Variants in PRKG1 observed in about 807,000 individuals in gnomAD.
PRKG1 encodes protein kinase cGMP-dependent 1, also known as cGMP-dependent protein kinase 1.
PRKG1 carries 35 observed loss-of-function variants against 88.1 expected under a neutral mutation model. That is an observed-to-expected ratio of 0.40 (90% CI 0.30 to 0.53). The LOEUF (loss-of-function observed/expected upper bound fraction) is 0.53, where lower values mean the gene tolerates loss of function less well. Among genes scored for constraint, PRKG1 ranks in the 20% least tolerant of loss-of-function variants. The pLI is 0.59. For synonymous variants in PRKG1, 303 were observed against 292.5 expected (o/e 1.04, Z -0.37); for missense variants, 540 against 839.8 (o/e 0.64, Z 4.41).
At chr10:51,649,536 T>TA in intron 3 of PRKG1, among the ~76,000 whole-genome samples, 1 of 152,272 alleles carries the variant, frequency 6.6e-6, no homozygotes, top group East Asian at 1.9e-4. Flanking sequence ...ATTCTGAAGG[T>TA]AAATTAACAC....
chr10:51,370,679 A>G (rs984078850), intron 2 of PRKG1, among the ~76,000 whole-genome samples: 1 of 152,034 alleles, frequency 6.6e-6, no homozygotes, highest in Non-Finnish European at 1.5e-5. Context: ...AAATAAATCT[A>G]AAAAAAGGTA....
chr10:51,460,062 G>T (rs1404091860), intron 2 of PRKG1, among the ~76,000 whole-genome samples: 1 of 152,104 alleles, frequency 6.6e-6, no homozygotes, highest in Non-Finnish European at 1.5e-5. Context: ...GGGCTGAATA[G>T]TTCTTTCTTG....
chr10:51,091,250 C>A (rs1485147295), intron 1 of PRKG1, among the ~76,000 whole-genome samples: 4 of 152,076 alleles, frequency 2.6e-5, no homozygotes, highest in African/African-American at 9.7e-5. Context: ...TACCATAAAA[C>A]TTACCTATTA....
chr10:52,016,617 C>A (rs1456860910), intron 5 of PRKG1, among the ~76,000 whole-genome samples: 1 of 152,122 alleles, frequency 6.6e-6, no homozygotes, highest in Non-Finnish European at 1.5e-5. Flanking sequence ...GGTAATGTCT[C>A]TTTTAGGATT....
At chr10:52,250,766 C>T (rs1357471775) in intron 9 of PRKG1, among the ~76,000 whole-genome samples, 2 of 152,110 alleles carry the variant, frequency 1.3e-5, no homozygotes, top group Admixed American at 6.6e-5. Flanking sequence ...TTAAGCAGCT[C>T]ATATTCACTT....
chr10:51,033,456 T>C (rs952136983), intron 1 of PRKG1, among the ~76,000 whole-genome samples: 1 of 152,194 alleles, frequency 6.6e-6, no homozygotes, highest in Admixed American at 6.5e-5. Context: ...AGTCTCACTA[T>C]AGGACATGTA....
intron 1 of PRKG1, among the ~76,000 whole-genome samples, chr10:51,009,826 A>T (rs956130543): frequency 2.6e-5 from 4 of 152,208 alleles, no homozygotes; most frequent in Non-Finnish European, 5.9e-5. Flanking sequence ...ATGGAATCGT[A>T]CTTTTGGAAA....
At chr10:51,313,083 G>GTT (rs1440377438) in intron 2 of PRKG1, among the ~76,000 whole-genome samples, 1 of 151,954 alleles carries the variant, frequency 6.6e-6, no homozygotes, top group African/African-American at 2.4e-5. Flanking sequence ...GTGTGTGTGT[G>GTT]TGTGTGTGTG....
Position 51,192,971 on chromosome 10 carries a change from C to A in PRKG1, c.478+39641C>A, listed in dbSNP as rs1837668362. On this transcript the variant is annotated intron_variant, in intron 2 of 17. Transcript: ENST00000373980. ...TAGTGGAGGAAAACAGAGAAGTAAA[C>A]CAATCATTTTAATATAGCTATTTAA... Among the ~76,000 whole-genome samples, 4 of 152,036 alleles carry A rather than the reference C, an allele frequency of 2.6e-5. No homozygotes were observed. The South Asian group carries it at 8.3e-4, about 32-fold the overall frequency.
chr10:52,223,499 G>A (rs558855839), intron 9 of PRKG1, among the ~76,000 whole-genome samples: 2 of 152,150 alleles, frequency 1.3e-5, no homozygotes, highest in African/African-American at 2.4e-5. Context: ...ATAGTTCTAT[G>A]TCGGCATGCT....
chr10:52,229,320 C>G (rs1840469251), intron 9 of PRKG1, among the ~76,000 whole-genome samples: 3 of 152,190 alleles, frequency 2.0e-5, no homozygotes, highest in African/African-American at 7.2e-5. Flanking sequence ...GGTACACTTA[C>G]AAATTTCTGG....
chr10:51,569,147 G>C (rs1184714450), intron 3 of PRKG1, among the ~76,000 whole-genome samples: 3 of 151,940 alleles, frequency 2.0e-5, no homozygotes, highest in Non-Finnish European at 2.9e-5. Context: ...GTTTATGTCA[G>C]GAGTAAACCA....
chr10:52,293,333 T>G (rs554741990), intron 17 of PRKG1, among the ~76,000 whole-genome samples: 3 of 151,636 alleles, frequency 2.0e-5, no homozygotes, highest in Admixed American at 2.0e-4. Context: ...ATGGCCATAC[T>G]GCCCAAGGTA....
intron 2 of PRKG1, among the ~76,000 whole-genome samples, chr10:51,442,015 C>T (rs1403142950): frequency 6.6e-6 from 1 of 151,610 alleles, no homozygotes; most frequent in Non-Finnish European, 1.5e-5. Context: ...TTTAAGTTAT[C>T]CGGAGTTATT....
At chr10:51,339,308 G>T (rs12775410) in intron 2 of PRKG1, among the ~76,000 whole-genome samples, 9,780 of 152,118 alleles carry the variant, frequency 0.064, 432 homozygotes, top group Middle Eastern at 0.12. Context: ...GAGGAGAGCT[G>T]TGTCTTCAAA....
At chr10:51,634,864 T>C (rs1164160852) in intron 3 of PRKG1, among the ~76,000 whole-genome samples, 1 of 152,106 alleles carries the variant, frequency 6.6e-6, no homozygotes, top group Non-Finnish European at 1.5e-5. Context: ...CTACATATTC[T>C]CACTTGTAAG....
chr10:52,119,482 G>C (rs2132607614), intron 7 of PRKG1, among the ~76,000 whole-genome samples: 1 of 152,290 alleles, frequency 6.6e-6, no homozygotes, highest in East Asian at 1.9e-4. Flanking sequence ...TGAAATATGT[G>C]ACCATGCAAC....
At chr10:51,899,645 G>T (rs1397981963) in intron 4 of PRKG1, among the ~76,000 whole-genome samples, 1 of 122,070 alleles carries the variant, frequency 8.2e-6, no homozygotes, top group African/African-American at 2.9e-5. Context: ...GCGACAGCGT[G>T]AGAGTCTGTC....
At chr10:51,872,991 C>G (rs1483658149) in intron 4 of PRKG1, among the ~76,000 whole-genome samples, 1 of 152,050 alleles carries the variant, frequency 6.6e-6, no homozygotes, top group African/African-American at 2.4e-5. Context: ...CTCTACTTCT[C>G]AAGCCTATAT....
Sources: gnomAD v4.1 joint callset for allele counts (sites outside exome capture counted in the v4.1 genomes callset) on GRCh38, gnomAD v4.1.1 for gene constraint, MANE v1.5 for transcripts, NCBI Gene and HGNC (gene_info 2026-07-23, HGNC 2026-07-21) for gene names.